Variants in STRIP2 observed in about 807,000 individuals in gnomAD.
STRIP2 encodes the protein striatin-interacting protein 2.
A neutral mutation model predicts 107.1 loss-of-function variants in STRIP2; 84 were observed. The ratio of observed to expected loss-of-function variants is 0.78; its 90% CI spans 0.66 to 0.94. STRIP2 has a LOEUF of 0.94. Ranked by LOEUF, STRIP2 falls within the 40% of genes least tolerant of loss-of-function variation. The pLI, the probability that STRIP2 is intolerant of heterozygous loss-of-function variation, is 0.00. For missense variants in STRIP2, 888 were observed against 1,034.2 expected, an observed-to-expected ratio of 0.86 and a Z score of 1.94; for synonymous variants, 394 against 400.4, an observed-to-expected ratio of 0.98 and a Z score of 0.19.
chr7:129,470,837 A>G (rs1307614943), intron 18 of STRIP2, 122 bp downstream of exon 18: 1 of 812,504 alleles, frequency 1.2e-6, no homozygotes, highest in Non-Finnish European at 2.1e-6. Context: ...CAATGAAGGT[A>G]TATTGGCAAG....
At chr7:129,437,876 G>A (rs1379594411) in intron 1 of STRIP2, among the ~76,000 whole-genome samples, 1 of 150,702 alleles carries the variant, frequency 6.6e-6, no homozygotes, top group African/African-American at 2.5e-5. Context: ...CGCAAACTCG[G>A]CTCACTGCAA....
intron 18 of STRIP2, among the ~76,000 whole-genome samples, chr7:129,480,127 C>CA (rs1228999351): frequency 2.6e-5 from 4 of 152,262 alleles, no homozygotes; most frequent in Non-Finnish European, 5.9e-5. Flanking sequence ...CATAAGGACT[C>CA]ACATTTTTAT....
rs1385701273 is a variant in STRIP2, at chr7:129,483,182, G to A, written c.2254+136G>A. On this transcript the variant is annotated intron_variant, in intron 20 of 20. Coordinates refer to ENST00000249344, the MANE Select transcript of STRIP2 (RefSeq NM_020704.3). The surrounding 1 kb of genome is among the most constrained non-coding windows in gnomAD (Gnocchi z 5.1). ...AAAAATATGTGATTATAGGTCAGGC[G>A]CTGATACACCAAACTTTAAGGTTAT... 1.9e-5 allele frequency: 28 copies of A among 1,447,902 alleles called. No homozygotes were observed. The highest frequency in any genetic ancestry group is 2.9e-5 in the African/African-American group (2 of 69,880). The allele number at this position is 1,447,902 out of a possible 1,614,324, so 89.7% of individuals were successfully genotyped here.
At chr7:129,435,740 TAGTC>T (rs1797718693) in intron 1 of STRIP2, among the ~76,000 whole-genome samples, 4 of 152,206 alleles carry the variant, frequency 2.6e-5, no homozygotes, top group African/African-American at 7.2e-5. Context: ...TGCATGTAAT[TAGTC>T]AGTACATAGT....
chr7:129,462,998 A>T lies in STRIP2; in HGVS notation c.1509A>T (p.Glu503Asp), dbSNP rs1562908234. 1 of 1,614,108 alleles carries T rather than the reference A, an allele frequency of 6.2e-7. No homozygotes were observed. The highest frequency in any genetic ancestry group is 2.2e-5 in the East Asian group (1 of 44,878). ...AGGTGGTACCAGAGACGCCATGTGA[A>T]ATCCTCTACCAGGGAATGCTGTACA... is the stretch of plus-strand genomic sequence containing the variant. ...GEEVVPETPCEILYQGMLYSL... is the reference protein window; with the variant it reads ...GEEVVPETPCDILYQGMLYSL... The change falls in exon 14 of 21, where the codon GAA (glutamate) becomes GAT (aspartate). Residue 503 changes from glutamate to aspartate, a missense_variant. Glu to Asp is a conservative substitution (Grantham distance 45, BLOSUM62 2). Coordinates refer to ENST00000249344, the MANE Select transcript of STRIP2 (RefSeq NM_020704.3).
chr7:129,474,333 T>C (rs1230275709), intron 18 of STRIP2, among the ~76,000 whole-genome samples: 1 of 152,078 alleles, frequency 6.6e-6, no homozygotes, highest in African/African-American at 2.4e-5. Context: ...AAAATTTTTT[T>C]AGAGATAAAA....
chr7:129,480,246 G>C (rs1191944725), intron 18 of STRIP2, among the ~76,000 whole-genome samples: 1 of 152,110 alleles, frequency 6.6e-6, no homozygotes, highest in Non-Finnish European at 1.5e-5. Context: ...AAAAATATCT[G>C]ATTAGAAGAA....
chr7:129,471,851 T>A (rs1174556081), intron 18 of STRIP2, among the ~76,000 whole-genome samples: 2 of 152,152 alleles, frequency 1.3e-5, no homozygotes, highest in South Asian at 4.1e-4. Flanking sequence ...ATAGAGAGAT[T>A]CCCTGGTCTT....
At chr7:129,454,588 C>A in intron 7 of STRIP2, 61 bp downstream of exon 7, 2 of 1,076,204 alleles carry the variant, frequency 1.9e-6, no homozygotes, top group Non-Finnish European at 2.9e-6. Flanking sequence ...GGAAGCAGAG[C>A]ATCTGCCTAG....
intron 3 of STRIP2, 103 bp downstream of exon 3, chr7:129,444,201 T>C: frequency 2.6e-6 from 2 of 764,912 alleles, no homozygotes; most frequent in African/African-American, 1.8e-5. Flanking sequence ...TCATCCCCTC[T>C]GTATTAGTTA....
Position 129,486,442 on chromosome 7 carries a change from T to C in STRIP2, c.*613T>C, listed in dbSNP as rs945286515. ...TTGTGTAAAGTGTTTTTTTCCTCAT[T>C]CTGTAAGAGATCTATATTCAATGTG... On this transcript the variant is annotated 3_prime_UTR_variant, in exon 21 of 21. Coordinates refer to ENST00000249344, the MANE Select transcript of STRIP2 (RefSeq NM_020704.3). 2 of 154,670 alleles carry C rather than the reference T, an allele frequency of 1.3e-5. No homozygotes were observed. The highest frequency in any genetic ancestry group is 4.8e-5 in the African/African-American group (2 of 41,454). 9.6% of individuals were successfully genotyped at this position (154,670 alleles called of 1,614,324 possible).
chr7:129,439,335 G>C (rs191073973), intron 1 of STRIP2, among the ~76,000 whole-genome samples: 55 of 152,274 alleles, frequency 3.6e-4, no homozygotes, highest in African/African-American at 1.1e-3. Context: ...AGATCAAATA[G>C]TATGTGACAG....
At chr7:129,469,209 A>G (rs1002157578) in intron 17 of STRIP2, among the ~76,000 whole-genome samples, 1 of 152,266 alleles carries the variant, frequency 6.6e-6, no homozygotes, top group Admixed American at 6.5e-5. Context: ...TTGGAGTTGG[A>G]AGAGTGGTAG....
At chr7:129,478,432 C>T (rs747453532) in intron 18 of STRIP2, among the ~76,000 whole-genome samples, 3 of 152,086 alleles carry the variant, frequency 2.0e-5, no homozygotes, top group Non-Finnish European at 4.4e-5. Flanking sequence ...ATCGCTTGAA[C>T]CCGGGAGGCA....
intron 1 of STRIP2, among the ~76,000 whole-genome samples, chr7:129,435,483 C>T (rs911929900): frequency 6.6e-5 from 10 of 152,090 alleles, no homozygotes; most frequent in Non-Finnish European, 5.9e-5. Flanking sequence ...AGAGGAGTGA[C>T]TTGCCCAAGA....
chr7:129,453,428 C>G, intron 5 of STRIP2, 81 bp downstream of exon 5: 3 of 1,553,750 alleles, frequency 1.9e-6, no homozygotes, highest in Non-Finnish European at 2.6e-6. Flanking sequence ...GCTTCCCTCA[C>G]TATAGAGACC....
rs1158600441 is a variant in STRIP2, at chr7:129,486,246, TCA to T, written c.*418_*419del. 1 of 159,006 alleles carries T rather than the reference TCA, an allele frequency of 6.3e-6. No individual in the cohort carries two copies. The highest frequency in any genetic ancestry group is 1.4e-5 in the Non-Finnish European group (1 of 71,894). The allele number at this position is 159,006 out of a possible 1,614,324, so 9.8% of individuals were successfully genotyped here. A position where few individuals can be genotyped will look rare whatever the true frequency, so the allele number is the denominator to read the frequency against. On this transcript the variant is annotated 3_prime_UTR_variant, in exon 21 of 21. Coordinates refer to ENST00000249344, the MANE Select transcript of STRIP2 (RefSeq NM_020704.3). ...GCTCACACTGGATTCCTAGGACTTA[TCA>T]GAGATTTGGAAAAACCAACTTTGAA...
chr7:129,455,808 A>T (rs1366694036), intron 8 of STRIP2, among the ~76,000 whole-genome samples: 1 of 151,620 alleles, frequency 6.6e-6, no homozygotes, highest in Non-Finnish European at 1.5e-5. Flanking sequence ...AATAAAAATA[A>T]TTTTTTCTTA....
intron 18 of STRIP2, among the ~76,000 whole-genome samples, chr7:129,476,470 GC>G (rs1331407591): frequency 6.6e-6 from 1 of 150,422 alleles, no homozygotes; most frequent in African/African-American, 2.5e-5. Flanking sequence ...TGGGGCGGCT[GC>G]CGGGCGGAGG....
Sources: gnomAD v4.1 joint callset for allele counts (sites outside exome capture counted in the v4.1 genomes callset) on GRCh38, gnomAD v4.1.1 for gene constraint, Gnocchi (gnomAD v3.1) non-coding constraint, MANE v1.5 for transcripts, NCBI Gene and HGNC (gene_info 2026-07-23, HGNC 2026-07-21) for gene names.